Variants in SNX29 observed in about 807,000 individuals in gnomAD.
SNX29 encodes the protein sorting nexin 29.
In SNX29, 78 loss-of-function variants were observed where a neutral mutation model predicts 102.1. The ratio of observed to expected loss-of-function variants is 0.76; its 90% confidence interval spans 0.64 to 0.92. The LOEUF (loss-of-function observed/expected upper bound fraction) is 0.92, where lower values mean the gene tolerates loss of function less well. Among genes scored for constraint, SNX29 ranks in the 40% least tolerant of loss-of-function variants. The pLI, the probability that SNX29 is intolerant of heterozygous loss-of-function variation, is 0.00. For synonymous variants in SNX29, 580 were observed against 414.5 expected (o/e 1.40, Z -4.85); for missense variants, 1,280 against 1,061.7 (o/e 1.21, Z -2.86).
At chr16:12,107,335 T>TG (rs2053298813) in intron 11 of SNX29, among the ~76,000 whole-genome samples, 3 of 128,852 alleles carry the variant, frequency 2.3e-5, no homozygotes, top group East Asian at 2.5e-4. Flanking sequence ...CACAGCACTG[T>TG]GGGTTTTTTT....
At chr16:12,340,996 C>T (rs910026654) in intron 15 of SNX29, among the ~76,000 whole-genome samples, 1 of 152,164 alleles carries the variant, frequency 6.6e-6, no homozygotes, top group Non-Finnish European at 1.5e-5. Flanking sequence ...GCCCCTATTT[C>T]CTTACCTGTA....
At chr16:12,060,389 T>A (rs755195906) in intron 8 of SNX29, among the ~76,000 whole-genome samples, 2 of 152,158 alleles carry the variant, frequency 1.3e-5, no homozygotes, top group Non-Finnish European at 2.9e-5. Context: ...GCTAGGATTT[T>A]GAGACCAGCC....
chr16:12,561,998 C>T (rs576050156), intron 20 of SNX29, among the ~76,000 whole-genome samples: 1 of 152,248 alleles, frequency 6.6e-6, no homozygotes, highest in South Asian at 2.1e-4. Context: ...TGACAATGGA[C>T]CCTGCAACCC....
chr16:12,350,264 G>T (rs2081956884), intron 15 of SNX29, among the ~76,000 whole-genome samples: 1 of 152,200 alleles, frequency 6.6e-6, no homozygotes, highest in Non-Finnish European at 1.5e-5. Flanking sequence ...GAATGCATCT[G>T]TACTGAACGT....
At chr16:12,276,403 C>T (rs376124492) in intron 14 of SNX29, among the ~76,000 whole-genome samples, 4 of 152,156 alleles carry the variant, frequency 2.6e-5, no homozygotes, top group East Asian at 1.9e-4. Context: ...GAGCCTTCGG[C>T]GGGCTCTAAC....
At chr16:12,475,781 T>A (rs1447715063) in intron 18 of SNX29, among the ~76,000 whole-genome samples, 2 of 152,250 alleles carry the variant, frequency 1.3e-5, no homozygotes, top group Non-Finnish European at 2.9e-5. Context: ...ATTGCTTTTG[T>A]ACCATTATAA....
chr16:12,436,814 C>T (rs970469336), intron 18 of SNX29, among the ~76,000 whole-genome samples: 7 of 152,192 alleles, frequency 4.6e-5, no homozygotes, highest in Admixed American at 2.0e-4. Flanking sequence ...CCACCATGCC[C>T]GGCTAATTTT....
Position 12,476,401 on chromosome 16 carries a change from T to TAC in SNX29, c.2038-1317_2038-1316insCA, listed in dbSNP as rs1239969742. ...AAAAAAAAATATATATATATATATATATATATATATACATATATATATATA... is the reference window on the plus strand; with the variant it reads ...AAAAAAAAATATATATATATATATATACATATATATATACATATATATATATA... On this transcript the variant is annotated intron_variant, in intron 18 of 20. Transcript: ENST00000566228. Among the ~76,000 whole-genome samples the TAC allele has an allele frequency of 3.3e-4, 6 of 18,356 alleles. 1 individual carries two copies. The highest frequency in any genetic ancestry group is 1.2e-3 in the African/African-American group (3 of 2,474). 12.0% of individuals were successfully genotyped at this position (18,356 alleles called of 152,430 possible). A position where few individuals can be genotyped will look rare whatever the true frequency, so the allele number is the denominator to read the frequency against.
intron 14 of SNX29, among the ~76,000 whole-genome samples, chr16:12,214,097 A>G (rs2077259792): frequency 6.6e-6 from 1 of 151,876 alleles, no homozygotes; most frequent in African/African-American, 2.4e-5. Context: ...ACCTCCATTA[A>G]GGGGTAACGT....
chr16:12,009,167 AAGTG>A (rs1270775206), intron 3 of SNX29, among the ~76,000 whole-genome samples: 7 of 152,202 alleles, frequency 4.6e-5, no homozygotes, highest in Non-Finnish European at 1.0e-4. Flanking sequence ...TAACTGAACA[AAGTG>A]AGTCAAATTC....
At chr16:12,520,733 C>T (rs1001196462) in intron 19 of SNX29, among the ~76,000 whole-genome samples, 4 of 152,004 alleles carry the variant, frequency 2.6e-5, no homozygotes, top group Admixed American at 1.3e-4. Flanking sequence ...CACTTATAAG[C>T]GGGAGCGAAG....
At chr16:12,083,600 T>G (rs350261) in intron 11 of SNX29, among the ~76,000 whole-genome samples, 77,927 of 151,952 alleles carry the variant, frequency 0.51, 21,374 homozygotes, top group African/African-American at 0.72. Context: ...GGGAGTTAGG[T>G]CTTCCACTGG....
At chr16:12,405,971 G>A (rs1340473801) in intron 18 of SNX29, among the ~76,000 whole-genome samples, 2 of 152,110 alleles carry the variant, frequency 1.3e-5, no homozygotes, top group Non-Finnish European at 2.9e-5. Flanking sequence ...GGCAGAGATT[G>A]CAGTGAGCCG....
At chr16:12,194,975 A>G (rs939032494) in intron 13 of SNX29, among the ~76,000 whole-genome samples, 10 of 152,178 alleles carry the variant, frequency 6.6e-5, no homozygotes, top group Non-Finnish European at 1.5e-4. Context: ...GCTCTAGTAA[A>G]GTGCATTGTT....
Position 12,570,748 on chromosome 16 carries a change from G to C in SNX29, c.*2119G>C. 1 of 230,796 alleles carries C rather than the reference G, an allele frequency of 4.3e-6. No homozygotes were observed. Among genetic ancestry groups the C allele is most frequent in the Non-Finnish European group, 8.5e-6 (1 of 117,406 alleles). 14.3% of individuals were successfully genotyped at this position (230,796 alleles called of 1,614,324 possible). ...CTCTCTCCAGATACCCCACGAGGAA[G>C]CACCTTGGACATTCTGCACATGATA... On this transcript the variant is annotated 3_prime_UTR_variant, in exon 21 of 21. Coordinates refer to ENST00000566228, the MANE Select transcript of SNX29 (RefSeq NM_032167.5).
rs138222778 is a variant in SNX29 at position 12,312,288 on chromosome 16, G to A, written c.1782+34252G>A. 1.4e-4 allele frequency among the ~76,000 whole-genome samples: 21 copies of A among 152,314 alleles called. No individual in the cohort carries two copies. The East Asian group carries it at 2.9e-3, about 21-fold the overall frequency. ...CTAGCACAGCACTTGCTGCGCTGTC[G>A]TTTAGTCAGGGCTTGCTCCTCTCTG... is the stretch of plus-strand genomic sequence containing the variant. On this transcript the variant is annotated intron_variant, in intron 15 of 20. Coordinates refer to ENST00000566228, the MANE Select transcript of SNX29 (RefSeq NM_032167.5).
rs1056637129 is a variant in SNX29 at position 12,547,954 on chromosome 16, G to T, written c.2319-20552G>T. The stretch of plus-strand genomic sequence containing the variant: ...TCAATTCCCAGTCTGCCCTCAAGGT[G>T]CTCAGTCTTTTGGGAGACAGCATGG... On this transcript the variant is annotated intron_variant, in intron 20 of 20. Transcript: ENST00000566228. Among the ~76,000 whole-genome samples, 89 of 152,122 alleles carry T rather than the reference G, an allele frequency of 5.9e-4. 1 individual carries two copies. The highest frequency in any genetic ancestry group is 1.9e-3 in the African/African-American group (77 of 41,402).
chr16:12,473,726 AC>A (rs1237241735), intron 18 of SNX29, among the ~76,000 whole-genome samples: 2 of 152,100 alleles, frequency 1.3e-5, no homozygotes, highest in Non-Finnish European at 2.9e-5. Context: ...GACGGCTAAA[AC>A]CCACCAAAAC....
intron 13 of SNX29, among the ~76,000 whole-genome samples, chr16:12,146,553 A>C (rs868423815): frequency 1.3e-5 from 2 of 152,226 alleles, no homozygotes; most frequent in Admixed American, 1.3e-4. Context: ...GGTGTGAGCC[A>C]CTGCACCCAG....
Sources: gnomAD v4.1 joint callset for allele counts (sites outside exome capture counted in the v4.1 genomes callset) on GRCh38, gnomAD v4.1.1 for gene constraint, MANE v1.5 for transcripts, NCBI Gene and HGNC (gene_info 2026-07-23, HGNC 2026-07-21) for gene names.